LIN54: variants seen among roughly 807,000 people sequenced by gnomAD.
LIN54 encodes lin-54 DREAM MuvB core complex component.
In LIN54, 9 loss-of-function variants were observed where a neutral mutation model predicts 78.7. That is an observed-to-expected ratio of 0.11 (90% CI 0.07 to 0.20). The LOEUF (loss-of-function observed/expected upper bound fraction) is 0.20. Among genes scored for constraint, LIN54 ranks in the 10% least tolerant of loss-of-function variants. LIN54 has a pLI of 1.00. For missense variants in LIN54, 573 were observed against 889.9 expected (o/e 0.64, Z 4.53); for synonymous variants, 269 against 318.4 (o/e 0.84, Z 1.65).
chr4:82,986,679 G>A (rs1381175940), intron 1 of LIN54, among the ~76,000 whole-genome samples: 4 of 144,274 alleles, frequency 2.8e-5, no homozygotes, highest in Non-Finnish European at 6.0e-5. Context: ...ACTTGAGCCG[G>A]GCGACAGAGC....
At chr4:82,996,240 A>G (rs1383674254) in intron 1 of LIN54, among the ~76,000 whole-genome samples, 1 of 152,034 alleles carries the variant, frequency 6.6e-6, no homozygotes, top group Non-Finnish European at 1.5e-5. Context: ...AGCACATGCA[A>G]CCTCATCGTC....
chr4:82,947,233 A>ATTTTTTTTTT (rs1233101387), intron 4 of LIN54, among the ~76,000 whole-genome samples: 369 of 16,810 alleles, frequency 0.022, 4 homozygotes, highest in East Asian at 0.048. Flanking sequence ...ATATATATAT[A>ATTTTTTTTTT]TATTTTTTTT....
chr4:82,996,156 C>T (rs1047124572), intron 1 of LIN54, among the ~76,000 whole-genome samples: 1 of 151,854 alleles, frequency 6.6e-6, no homozygotes, highest in Non-Finnish European at 1.5e-5. Flanking sequence ...CTGGGCATGG[C>T]AGGAAAGGGT....
At position 82,930,958 on chromosome 4, in the gene LIN54, T is replaced by C; in HGVS notation, c.2033A>G (p.Asn678Ser). The change falls in exon 12 of 13, where the codon AAT (asparagine) becomes AGT (serine). Residue 678 changes from asparagine (N) to serine (S), a missense_variant. Asn to Ser is a conservative substitution (Grantham distance 46). Around this residue, in one of 6 missense-constraint regions of LIN54, gnomAD observed 82 missense variants for 140.8 expected, o/e 0.58. Transcript: ENST00000340417. ...DLLTRPTPAL[N>S]SGGGKLPFTF... ...ACTGACTTACTTTCCGCCTCCACTA[T>C]TTAAAGCTGGTGTTGGCCTAGTAAG... 7.4e-6 allele frequency: 12 copies of C among 1,614,130 alleles called. No homozygotes were observed. Among genetic ancestry groups the C allele is most frequent in the Non-Finnish European group, 1.0e-5 (12 of 1,179,948 alleles).
In LIN54 at chr4:82,978,991, G is replaced by C. The variant is rs559256642; in HGVS notation, c.700C>G (p.Arg234Gly). ...ATTACTGGACCAGAGGTTGGCGTTCGAGGCTTCTTAGCAATCTGAAACATA... is the reference window on the plus strand; with the variant it reads ...ATTACTGGACCAGAGGTTGGCGTTCCAGGCTTCTTAGCAATCTGAAACATA... The part of the protein sequence containing the change: ...LKTVQIAKKP[R>G]TPTSGPVITK... The change falls in exon 3 of 13, where the codon CGA becomes GGA. Residue 234 changes from arginine to glycine, a missense_variant. Arg to Gly is a moderately radical substitution (Grantham distance 125, BLOSUM62 -2). This residue lies in a region of LIN54 where 199 missense variants were observed against 260.9 expected (regional missense o/e 0.76). Coordinates refer to ENST00000340417, the MANE Select transcript of LIN54 (RefSeq NM_194282.4). 7.1e-5 allele frequency: 113 copies of C among 1,589,020 alleles called. 1 individual carries two copies. In the South Asian group the frequency reaches 1.2e-3, roughly 16 times the overall value.
chr4:82,928,123 G>A lies in LIN54; in HGVS notation c.2229C>T (p.Asp743=), dbSNP rs768400637. ...VINSAGKAKS[D]PCAMNC ...AGAGTTAGCAATTCATGGCACAAGGGTCACTTTTTGCCTTTCCTGCAGAGT... is the reference window on the plus strand; with the variant it reads ...AGAGTTAGCAATTCATGGCACAAGGATCACTTTTTGCCTTTCCTGCAGAGT... The change falls in exon 13 of 13, where the codon GAC becomes GAT. Residue 743 remains aspartate, a synonymous_variant. Transcript: ENST00000340417. 1 of 1,614,144 alleles carries A rather than the reference G, an allele frequency of 6.2e-7. No homozygotes were observed. The highest frequency in any genetic ancestry group is 1.7e-5 in the Admixed American group (1 of 60,026).
At chr4:83,002,267 G>T (rs1728909103) in intron 1 of LIN54, among the ~76,000 whole-genome samples, 1 of 151,936 alleles carries the variant, frequency 6.6e-6, no homozygotes, top group East Asian at 1.9e-4. Context: ...CAAGCATAGT[G>T]GTGCATGCCT....
intron 11 of LIN54, among the ~76,000 whole-genome samples, chr4:82,935,414 G>C (rs553551576): frequency 6.6e-5 from 10 of 151,572 alleles, no homozygotes; most frequent in African/African-American, 2.4e-4. Context: ...TCAGCCTCCC[G>C]AGTAGCTGGG....
chr4:82,980,278 G>C (rs1282173305), intron 2 of LIN54, among the ~76,000 whole-genome samples: 1 of 152,064 alleles, frequency 6.6e-6, no homozygotes, highest in Non-Finnish European at 1.5e-5. Flanking sequence ...AAGAATTTTA[G>C]AGTGTGAAGA....
intron 5 of LIN54, among the ~76,000 whole-genome samples, chr4:82,942,551 G>T (rs1327322210): frequency 6.6e-6 from 1 of 152,138 alleles, no homozygotes; most frequent in African/African-American, 2.4e-5. Flanking sequence ...CCATTAGCAA[G>T]GTTATAATAA....
At chr4:83,007,054 C>T (rs1729457811) in intron 1 of LIN54, among the ~76,000 whole-genome samples, 1 of 152,038 alleles carries the variant, frequency 6.6e-6, no homozygotes, top group South Asian at 2.1e-4. Flanking sequence ...GCAAGAGAAT[C>T]GCTTGAACCC....
intron 4 of LIN54, among the ~76,000 whole-genome samples, chr4:82,966,025 C>T (rs1725174510): frequency 6.6e-6 from 1 of 152,140 alleles, no homozygotes; most frequent in African/African-American, 2.4e-5. Flanking sequence ...TGTTTAGTTT[C>T]TACTAATAAC....
chr4:83,003,975 A>G (rs1456035254), intron 1 of LIN54, among the ~76,000 whole-genome samples: 2 of 152,192 alleles, frequency 1.3e-5, no homozygotes, highest in East Asian at 3.8e-4. Flanking sequence ...AAATGGACTT[A>G]TAAAATAAAT....
intron 12 of LIN54, among the ~76,000 whole-genome samples, chr4:82,929,856 C>A (rs946784329): frequency 7.2e-5 from 11 of 151,992 alleles, no homozygotes; most frequent in African/African-American, 2.7e-4. Context: ...ATATTTTGTA[C>A]AAAAAAGCCT....
rs1242048769 is a variant in LIN54 at position 82,924,968 on chromosome 4, C to T, written c.*3134G>A. 6.6e-6 allele frequency: 1 copy of T among 152,516 alleles called. No homozygotes were observed. The highest frequency in any genetic ancestry group is 1.9e-4 in the East Asian group (1 of 5,192). 9.4% of individuals were successfully genotyped at this position (152,516 alleles called of 1,614,324 possible). A position where few individuals can be genotyped will look rare whatever the true frequency, so the allele number is the denominator to read the frequency against. ...GTTACAGAACAATAAAAATAGATAA[C>T]TTTTCTAAAATTATTTTTATTCACA... is the stretch of plus-strand genomic sequence containing the variant. On this transcript the variant is annotated 3_prime_UTR_variant, in exon 13 of 13. Transcript: ENST00000340417.
At position 82,970,373 on chromosome 4, in the gene LIN54, T is replaced by C. The variant is rs766394182; in HGVS notation, c.905A>G (p.Gln302Arg). ...TGAGATGGCTATTTTATTTGGTGTCTGTGTTGTAGAATTTAAAGTTGATCC... is the reference window on the plus strand; with the variant it reads ...TGAGATGGCTATTTTATTTGGTGTCCGTGTTGTAGAATTTAAAGTTGATCC... ...VIGSTLNSTT[Q>R]TPNKIAISPL... Residue 302 changes from glutamine (Q) to arginine (R), a missense_variant, in exon 4 of 13, where the codon CAG becomes CGG. Physicochemically the swap from Gln to Arg is conservative, Grantham distance 43. This residue lies in a region of LIN54 where 199 missense variants were observed against 260.9 expected (regional missense o/e 0.76). Coordinates refer to ENST00000340417, the MANE Select transcript of LIN54 (RefSeq NM_194282.4). The C allele has an allele frequency of 6.2e-7, 1 of 1,612,828 alleles. No homozygotes were observed. The highest frequency in any genetic ancestry group is 1.1e-5 in the South Asian group (1 of 90,772).
At chr4:82,964,879 G>A (rs112349885) in intron 4 of LIN54, among the ~76,000 whole-genome samples, 2,434 of 152,156 alleles carry the variant, frequency 0.016, 69 homozygotes, top group African/African-American at 0.055. Flanking sequence ...GGGCATGGTG[G>A]CATAGCTACT....
intron 5 of LIN54, among the ~76,000 whole-genome samples, chr4:82,945,336 C>G (rs1723268721): frequency 6.6e-6 from 1 of 152,138 alleles, no homozygotes; most frequent in African/African-American, 2.4e-5. Flanking sequence ...TCATATCCCT[C>G]AATTTTTAGA....
chr4:82,994,910 G>A (rs6535423), intron 1 of LIN54, among the ~76,000 whole-genome samples: 151,490 of 152,120 alleles, frequency 1, 75,432 homozygotes, highest in Middle Eastern at 1. Context: ...AAGAACATAC[G>A]TTTTTACCTG....
Sources: gnomAD v4.1 joint callset for allele counts (sites outside exome capture counted in the v4.1 genomes callset) on GRCh38, gnomAD v4.1.1 for gene constraint, gnomAD v4.1.1 regional missense constraint, MANE v1.5 for transcripts, NCBI Gene and HGNC (gene_info 2026-07-23, HGNC 2026-07-21) for gene names.